CA10: variants seen among roughly 807,000 people sequenced by gnomAD.
CA10 encodes the protein carbonic anhydrase-related protein 10.
CA10 carries 14 observed loss-of-function variants against 44.2 expected under a neutral mutation model. The ratio of observed to expected loss-of-function variants is 0.32; its 90% CI spans 0.21 to 0.50. CA10 has a LOEUF of 0.50. Ranked by LOEUF, CA10 falls within the 20% of genes least tolerant of loss-of-function variation. CA10 has a pLI of 0.99. For synonymous variants in CA10, 159 were observed against 141.6 expected (o/e 1.12, Z -0.87); for missense variants, 350 against 409.7 (o/e 0.85, Z 1.26).
At chr17:51,945,843 C>G (rs1392018187) in intron 2 of CA10, among the ~76,000 whole-genome samples, 1 of 152,136 alleles carries the variant, frequency 6.6e-6, no homozygotes, top group East Asian at 1.9e-4. Flanking sequence ...CACAGTCACA[C>G]AGTCTGAACT....
chr17:52,026,536 TG>T (rs1986306403), intron 2 of CA10, among the ~76,000 whole-genome samples: 1 of 152,160 alleles, frequency 6.6e-6, no homozygotes, highest in African/African-American at 2.4e-5. Context: ...TACCCAGGAC[TG>T]GGTAATTTAT....
At chr17:51,753,163 G>T (rs973965072) in intron 3 of CA10, among the ~76,000 whole-genome samples, 4 of 152,128 alleles carry the variant, frequency 2.6e-5, no homozygotes, top group Admixed American at 2.6e-4. Flanking sequence ...AATTCATACT[G>T]GTTTGAGACT....
chr17:51,905,360 A>G (rs1342151262), intron 3 of CA10, among the ~76,000 whole-genome samples: 4 of 152,074 alleles, frequency 2.6e-5, no homozygotes, highest in Non-Finnish European at 4.4e-5. Context: ...CTAAAAGTGT[A>G]TGACACACAG....
rs113698573 is a variant in CA10 at position 51,950,028 on chromosome 17, T to G, written c.137-18896A>C. On this transcript the variant is annotated intron_variant, in intron 2 of 8. Transcript: ENST00000451037. ...TTAGTACAATTAGGAACAATTAGTA[T>G]TGGGTACCCTCCAAGACACTGAATA... 5.3e-3 allele frequency among the ~76,000 whole-genome samples: 811 copies of G among 152,298 alleles called. 5 individuals are homozygous for G. Among genetic ancestry groups the G allele is most frequent in the African/African-American group, 0.019 (773 of 41,570 alleles).
At chr17:51,925,828 G>A (rs977982459) in intron 3 of CA10, among the ~76,000 whole-genome samples, 1 of 152,072 alleles carries the variant, frequency 6.6e-6, no homozygotes, top group African/African-American at 2.4e-5. Flanking sequence ...AGTGAAATAA[G>A]CCAGACATAA....
chr17:51,719,501 T>A (rs1263369056), intron 4 of CA10, among the ~76,000 whole-genome samples: 1 of 152,178 alleles, frequency 6.6e-6, no homozygotes, highest in Non-Finnish European at 1.5e-5. Context: ...TGTTTACAAA[T>A]AGGAAGAAGA....
At chr17:51,993,875 T>C (rs1985131467) in intron 2 of CA10, among the ~76,000 whole-genome samples, 1 of 152,046 alleles carries the variant, frequency 6.6e-6, no homozygotes, top group East Asian at 1.9e-4. Flanking sequence ...ACTCTCTTCT[T>C]TTATTGATAA....
chr17:51,875,023 G>T (rs1012593787), intron 3 of CA10, among the ~76,000 whole-genome samples: 1 of 144,872 alleles, frequency 6.9e-6, no homozygotes, highest in Non-Finnish European at 1.5e-5. Flanking sequence ...TTGTTGCCCA[G>T]GCTGGAGTGG....
intron 4 of CA10, among the ~76,000 whole-genome samples, chr17:51,658,760 C>T (rs1328376949): frequency 6.6e-6 from 1 of 152,166 alleles, no homozygotes; most frequent in East Asian, 1.9e-4. Flanking sequence ...TTTGAAAGAT[C>T]TCTCTGGTGT....
chr17:51,902,042 A>G (rs9675301), intron 3 of CA10, among the ~76,000 whole-genome samples: 16,166 of 152,168 alleles, frequency 0.11, 1,151 homozygotes, highest in African/African-American at 0.21. Flanking sequence ...AACTATGTGT[A>G]GTTTTTCCTT....
At chr17:51,725,071 A>G (rs1916472759) in intron 4 of CA10, among the ~76,000 whole-genome samples, 1 of 152,250 alleles carries the variant, frequency 6.6e-6, no homozygotes, top group African/African-American at 2.4e-5. Context: ...CTGAGACTCG[A>G]AGAGGTGAAG....
chr17:51,687,911 A>G (rs970355191), intron 4 of CA10, among the ~76,000 whole-genome samples: 18 of 152,188 alleles, frequency 1.2e-4, no homozygotes, highest in Admixed American at 6.5e-5. Flanking sequence ...CCTGATATTC[A>G]TGCTCCTGTG....
At chr17:52,100,835 AGTT>A (rs761982193) in intron 1 of CA10, among the ~76,000 whole-genome samples, 3 of 152,116 alleles carry the variant, frequency 2.0e-5, no homozygotes, top group Non-Finnish European at 4.4e-5. Context: ...GATTTCTCAC[AGTT>A]TTATTACATG....
chr17:51,734,161 T>G (rs984184853), intron 4 of CA10, among the ~76,000 whole-genome samples: 14 of 129,922 alleles, frequency 1.1e-4, no homozygotes, highest in Non-Finnish European at 1.9e-4. Flanking sequence ...TTACAAAGTG[T>G]GTACTCAATC....
intron 5 of CA10, among the ~76,000 whole-genome samples, chr17:51,651,132 T>C (rs1913547582): frequency 6.8e-6 from 1 of 146,840 alleles, no homozygotes; most frequent in Admixed American, 6.6e-5. Context: ...AGGACTAAAC[T>C]ACCAGGATGT....
At chr17:51,980,424 A>G (rs1567907726) in intron 2 of CA10, among the ~76,000 whole-genome samples, 1 of 151,758 alleles carries the variant, frequency 6.6e-6, no homozygotes, top group South Asian at 2.1e-4. Context: ...TGGGTATTAA[A>G]CCTTTGTCAG....
intron 4 of CA10, among the ~76,000 whole-genome samples, chr17:51,683,679 G>GAA (rs1325338317): frequency 6.6e-6 from 1 of 152,190 alleles, no homozygotes; most frequent in African/African-American, 2.4e-5. Flanking sequence ...ATTGACAGAT[G>GAA]AAATAAAGGA....
At chr17:51,715,395 G>A (rs916541570) in intron 4 of CA10, among the ~76,000 whole-genome samples, 1 of 151,820 alleles carries the variant, frequency 6.6e-6, no homozygotes, top group South Asian at 2.1e-4. Flanking sequence ...AACATATTTG[G>A]GGAGAAGCTT....
chr17:51,930,202 T>G (rs1388578107), intron 3 of CA10, among the ~76,000 whole-genome samples: 1 of 140,072 alleles, frequency 7.1e-6, no homozygotes, highest in Admixed American at 7.3e-5. Context: ...CTCAATTTTT[T>G]GCACACAAAT....
Sources: gnomAD v4.1 joint callset for allele counts (sites outside exome capture counted in the v4.1 genomes callset) on GRCh38, gnomAD v4.1.1 for gene constraint, MANE v1.5 for transcripts, NCBI Gene and HGNC (gene_info 2026-07-23, HGNC 2026-07-21) for gene names.